Variants in ALPK3 observed in about 807,000 individuals in gnomAD.
ALPK3 encodes the protein alpha kinase 3, also known as alpha-protein kinase 3.
In ALPK3, 102 loss-of-function variants were observed where a neutral mutation model predicts 140.0. The observed-to-expected ratio is 0.73, with a 90% CI of 0.62 to 0.86. ALPK3 has a LOEUF of 0.86. Among genes scored for constraint, ALPK3 ranks in the 40% least tolerant of loss-of-function variants. ALPK3 has a pLI of 0.00. For missense variants in ALPK3, 2,254 were observed against 2,208.2 expected (o/e 1.02, Z -0.42); for synonymous variants, 938 against 898.5 (o/e 1.04, Z -0.79).
intron 3 of ALPK3, among the ~76,000 whole-genome samples, chr15:84,829,576 T>C (rs1328180051): frequency 6.6e-6 from 1 of 152,150 alleles, no homozygotes; most frequent in Non-Finnish European, 1.5e-5. Context: ...TAGGAAGCGG[T>C]GTTGCTCCTA....
chr15:84,852,367 T>C (rs2141564701), intron 5 of ALPK3: 1 of 153,678 alleles, frequency 6.5e-6, no homozygotes, highest in Non-Finnish European at 1.4e-5. Context: ...CCAGGTGGGG[T>C]GGCATGAGAT....
intron 3 of ALPK3, among the ~76,000 whole-genome samples, chr15:84,832,809 C>A (rs1273379150): frequency 6.6e-6 from 1 of 152,182 alleles, no homozygotes; most frequent in African/African-American, 2.4e-5. Context: ...GCTTTGGTAC[C>A]TTGGTAACAG....
At chr15:84,842,263 A>C (rs1426216268) in intron 5 of ALPK3, among the ~76,000 whole-genome samples, 2 of 152,172 alleles carry the variant, frequency 1.3e-5, no homozygotes, top group Non-Finnish European at 2.9e-5. Context: ...TGAACTCTTG[A>C]CCTCAAGTGA....
Position 84,839,725 on chromosome 15 carries a change from T to C in ALPK3, c.446T>C (p.Ile149Thr), listed in dbSNP as rs776988513. 5 of 1,607,112 alleles carry C rather than the reference T, an allele frequency of 3.1e-6. No homozygotes were observed. In the East Asian group the frequency reaches 1.1e-4, roughly 36 times the overall value. ...LYRCREEDAA[I>T]YQASAQNSKG... The stretch of plus-strand genomic sequence containing the variant: ...AGGTGTCGAGAAGAAGATGCCGCCA[T>C]CTACCAGGCCTCTGCCCAGAACAGC... Residue 149 changes from isoleucine (I) to threonine (T), a missense_variant, in exon 5 of 14, where the codon ATC (isoleucine) becomes ACC (threonine). Transcript: ENST00000258888.
At chr15:84,819,599 C>T (rs973069280) in intron 1 of ALPK3, among the ~76,000 whole-genome samples, 3 of 152,322 alleles carry the variant, frequency 2.0e-5, no homozygotes, top group East Asian at 1.9e-4. Context: ...AACAGCCTCA[C>T]TGCCTGTGGG....
intron 1 of ALPK3, among the ~76,000 whole-genome samples, chr15:84,822,350 T>C (rs963472281): frequency 6.6e-6 from 1 of 152,082 alleles, no homozygotes; most frequent in African/African-American, 2.4e-5. Flanking sequence ...AGCCAGGTTT[T>C]AGGGAAAAGG....
intron 5 of ALPK3, among the ~76,000 whole-genome samples, chr15:84,843,427 T>C (rs889315485): frequency 1.6e-4 from 25 of 152,096 alleles, no homozygotes; most frequent in Admixed American, 7.2e-4. Flanking sequence ...ATAGTTTAGA[T>C]AGTCTCATGA....
In ALPK3 at chr15:84,839,109, G is replaced by C; in HGVS notation, c.422+12G>C. 2 of 1,597,862 alleles carry C rather than the reference G, an allele frequency of 1.3e-6. No individual in the cohort carries two copies. Among genetic ancestry groups the C allele is most frequent in the Non-Finnish European group, 8.5e-7 (1 of 1,170,960 alleles). On this transcript the variant is annotated intron_variant, in intron 4 of 13. Transcript: ENST00000258888. ...CTGCAGCTGTACAGGTGAGGGAGAAGGGCCTGTTTTGCTCTCTCTGCCCTC... is the reference window on the plus strand; with the variant it reads ...CTGCAGCTGTACAGGTGAGGGAGAACGGCCTGTTTTGCTCTCTCTGCCCTC...
chr15:84,859,749 C>A, intron 7 of ALPK3, 27 bp from the exon 8 acceptor site: 1 of 1,599,318 alleles, frequency 6.3e-7, no homozygotes, highest in East Asian at 2.2e-5. Flanking sequence ...TGCCATGGCC[C>A]TCACGAGTAG....
At chr15:84,851,900 G>T (rs959998119) in intron 5 of ALPK3, among the ~76,000 whole-genome samples, 2 of 152,144 alleles carry the variant, frequency 1.3e-5, no homozygotes, top group African/African-American at 4.8e-5. Context: ...GGGTTAAAGA[G>T]TATAAATATT....
chr15:84,862,093 C>G (rs902147727), intron 9 of ALPK3, among the ~76,000 whole-genome samples: 2 of 152,144 alleles, frequency 1.3e-5, no homozygotes, highest in Non-Finnish European at 2.9e-5. Flanking sequence ...GACCTGGAAT[C>G]AACCATTTCT....
In ALPK3 at chr15:84,840,823, A is replaced by G. The variant is rs1425926999; in HGVS notation, c.1544A>G (p.Lys515Arg). Residue 515 changes from lysine to arginine, a missense_variant, in exon 5 of 14, where the codon AAG becomes AGG. Coordinates refer to ENST00000258888, the MANE Select transcript of ALPK3 (RefSeq NM_020778.5). ...APECGAQSLG[K>R]APPQASVQVP... ...GAATGCGGGGCCCAGAGCTTAGGAA[A>G]GGCCCCACCTCAGGCCTCTGTGCAG... is the stretch of plus-strand genomic sequence containing the variant. 4 of 1,614,094 alleles carry G rather than the reference A, an allele frequency of 2.5e-6. No homozygotes were observed. In the Admixed American group the frequency reaches 6.7e-5, roughly 27 times the overall value.
In ALPK3 at chr15:84,869,569, C is replaced by A. The variant is rs1349091062; in HGVS notation, c.*1113C>A. The A allele has an allele frequency of 6.6e-6, 1 of 152,284 alleles. No individual in the cohort carries two copies. Among genetic ancestry groups the A allele is most frequent in the Non-Finnish European group, 1.5e-5 (1 of 68,118 alleles). 9.4% of individuals were successfully genotyped at this position (152,284 alleles called of 1,614,324 possible). ...AGTCTCTGTGCCTGGGAATTAGGACCCCTGCTCCAACCATCGCTCTTGATC... is the reference window on the plus strand; with the variant it reads ...AGTCTCTGTGCCTGGGAATTAGGACACCTGCTCCAACCATCGCTCTTGATC... On this transcript the variant is annotated 3_prime_UTR_variant, in exon 14 of 14. Coordinates refer to ENST00000258888, the MANE Select transcript of ALPK3 (RefSeq NM_020778.5).
intron 5 of ALPK3, among the ~76,000 whole-genome samples, chr15:84,843,156 C>A (rs1963686369): frequency 6.6e-6 from 1 of 152,156 alleles, no homozygotes; most frequent in African/African-American, 2.4e-5. Context: ...TGTGTTGGTT[C>A]CACTGCTCCA....
intron 5 of ALPK3, among the ~76,000 whole-genome samples, chr15:84,850,546 G>C (rs1210585204): frequency 6.6e-6 from 1 of 151,918 alleles, no homozygotes; most frequent in African/African-American, 2.4e-5. Flanking sequence ...ACCACACCTG[G>C]CTAAATATTT....
In ALPK3 at chr15:84,858,060, G is replaced by A. The variant is rs2141568923; in HGVS notation, c.3322G>A (p.Glu1108Lys). 6.4e-7 allele frequency: 1 copy of A among 1,571,534 alleles called. No individual in the cohort carries two copies. The highest frequency in any genetic ancestry group is 8.6e-7 in the Non-Finnish European group (1 of 1,161,736). ...EGPGLLGASQ[E>K]SSMAGRLGEA... Reference sequence around the variant, plus strand: ...GCCTGGCCTCCTGGGGGCCTCTCAGGAGAGCAGCATGGCTGGTCGACTGGG... The same window carrying A: ...GCCTGGCCTCCTGGGGGCCTCTCAGAAGAGCAGCATGGCTGGTCGACTGGG... The change falls in exon 6 of 14, where the codon GAG (glutamate) becomes AAG (lysine). Residue 1108 changes from glutamate (E) to lysine (K), a missense_variant. Coordinates refer to ENST00000258888, the MANE Select transcript of ALPK3 (RefSeq NM_020778.5).
At chr15:84,821,214 G>C (rs931136834) in intron 1 of ALPK3, among the ~76,000 whole-genome samples, 2 of 152,132 alleles carry the variant, frequency 1.3e-5, no homozygotes, top group Non-Finnish European at 2.9e-5. Flanking sequence ...TGAAGACCAG[G>C]TGCCTCCATT....
rs762163130 is a variant in ALPK3, at chr15:84,857,586, C to T, written c.2848C>T (p.Arg950Trp). ...PDVEGRTPGP[R>W]SCDPGLIDSL... Reference sequence around the variant, plus strand: ...TGTGGAGGGGCGGACCCCAGGTCCCCGGAGCTGTGACCCTGGCCTCATAGA... The same window carrying T: ...TGTGGAGGGGCGGACCCCAGGTCCCTGGAGCTGTGACCCTGGCCTCATAGA... Residue 950 changes from arginine (R) to tryptophan (W), a missense_variant, in exon 6 of 14, where the codon CGG becomes TGG. Arg to Trp is a moderately radical substitution (Grantham distance 101). Coordinates refer to ENST00000258888, the MANE Select transcript of ALPK3 (RefSeq NM_020778.5). 38 of 1,573,106 alleles carry T rather than the reference C, an allele frequency of 2.4e-5. No individual in the cohort carries two copies. The highest frequency in any genetic ancestry group is 5.3e-5 in the Admixed American group (3 of 56,366).
intron 2 of ALPK3, 117 bp from the exon 3 acceptor site, chr15:84,827,367 A>G: frequency 6.9e-7 from 1 of 1,454,032 alleles, no homozygotes; most frequent in Non-Finnish European, 9.4e-7. Flanking sequence ...GGGGTGCTGC[A>G]GCTCTGGCCA....
Sources: gnomAD v4.1 joint callset for allele counts (sites outside exome capture counted in the v4.1 genomes callset) on GRCh38, gnomAD v4.1.1 for gene constraint, MANE v1.5 for transcripts, NCBI Gene and HGNC (gene_info 2026-07-23, HGNC 2026-07-21) for gene names.